MCTP1: variants seen among roughly 807,000 people sequenced by gnomAD.
MCTP1 encodes multiple C2 and transmembrane domain-containing protein 1.
In MCTP1, 69 loss-of-function variants were observed where a neutral mutation model predicts 120.6. The ratio of observed to expected loss-of-function variants is 0.57; its 90% CI spans 0.47 to 0.70. The LOEUF is 0.70. MCTP1 is among the 30% of genes least tolerant of loss of function. MCTP1 has a pLI of 0.00. For missense variants in MCTP1, 1,203 were observed against 1,248.8 expected, an observed-to-expected ratio of 0.96 and a Z score of 0.55; for synonymous variants, 529 against 493.1, an observed-to-expected ratio of 1.07 and a Z score of -0.96.
intron 1 of MCTP1, among the ~76,000 whole-genome samples, chr5:95,154,631 A>G (rs1264588110): frequency 1.3e-5 from 2 of 152,194 alleles, no homozygotes; most frequent in Non-Finnish European, 2.9e-5. Flanking sequence ...TTGTGTAATT[A>G]TGGCAAACAA....
intron 1 of MCTP1, among the ~76,000 whole-genome samples, chr5:95,177,372 T>C (rs992667827): frequency 6.6e-6 from 1 of 152,168 alleles, no homozygotes; most frequent in Non-Finnish European, 1.5e-5. Context: ...TGTCTGAAAG[T>C]CCATCTAAGA....
intron 1 of MCTP1, among the ~76,000 whole-genome samples, chr5:95,276,768 T>C (rs1182791): frequency 1.3e-5 from 2 of 150,896 alleles, no homozygotes; most frequent in East Asian, 2.0e-4. Context: ...CTGGCTAACA[T>C]GGTGAAACCC....
chr5:95,266,528 T>C (rs1758899634), intron 1 of MCTP1, among the ~76,000 whole-genome samples: 1 of 152,250 alleles, frequency 6.6e-6, no homozygotes, highest in African/African-American at 2.4e-5. Context: ...TACTTGGTCA[T>C]GACTCCAGTA....
At chr5:95,128,287 A>C (rs1758781705) in intron 1 of MCTP1, among the ~76,000 whole-genome samples, 1 of 152,260 alleles carries the variant, frequency 6.6e-6, no homozygotes, top group African/African-American at 2.4e-5. Flanking sequence ...GTATTCTTCA[A>C]TGGCTAGATA....
intron 2 of MCTP1, among the ~76,000 whole-genome samples, chr5:94,954,147 C>CAAATATATATGCATATATATACAT (rs10671946): frequency 3.1e-5 from 1 of 32,524 alleles, no homozygotes; most frequent in Non-Finnish European, 5.4e-5. Flanking sequence ...CATATATATA[C>CAAATATATATGCATATATATACAT]ATATATATAT....
chr5:95,084,782 CT>C (rs1208002274), intron 1 of MCTP1, among the ~76,000 whole-genome samples: 2 of 152,010 alleles, frequency 1.3e-5, no homozygotes, highest in Non-Finnish European at 2.9e-5. Context: ...CCTTTTGTTG[CT>C]TTTTTTGGCT....
intron 1 of MCTP1, among the ~76,000 whole-genome samples, chr5:95,261,007 T>C (rs1168609267): frequency 6.6e-6 from 1 of 152,214 alleles, no homozygotes; most frequent in African/African-American, 2.4e-5. Context: ...AAATAACACA[T>C]ATTATGCACA....
intron 19 of MCTP1, among the ~76,000 whole-genome samples, chr5:94,727,467 C>G (rs1052344869): frequency 1.3e-5 from 2 of 152,148 alleles, no homozygotes; most frequent in Admixed American, 6.5e-5. Flanking sequence ...TGACTGGAAT[C>G]AATTTCATCA....
At chr5:95,196,907 A>T (rs1750458369) in intron 1 of MCTP1, among the ~76,000 whole-genome samples, 1 of 152,214 alleles carries the variant, frequency 6.6e-6, no homozygotes, top group Admixed American at 6.5e-5. Context: ...AGGTTTTATT[A>T]AGCCAGCTTT....
chr5:94,908,069 A>T (rs565970533), intron 10 of MCTP1, among the ~76,000 whole-genome samples: 1 of 152,238 alleles, frequency 6.6e-6, no homozygotes, highest in South Asian at 2.1e-4. Context: ...CTATTGAGGG[A>T]GACAGAATCT....
chr5:95,088,903 C>T (rs181297253), intron 1 of MCTP1, among the ~76,000 whole-genome samples: 2 of 152,222 alleles, frequency 1.3e-5, no homozygotes, highest in Non-Finnish European at 2.9e-5. Flanking sequence ...CTCCAGAGTA[C>T]GCATTATCAG....
intron 1 of MCTP1, among the ~76,000 whole-genome samples, chr5:95,102,535 C>T (rs1002301588): frequency 2.6e-5 from 4 of 152,146 alleles, no homozygotes; most frequent in African/African-American, 9.7e-5. Context: ...AGTTGCACGT[C>T]GGAAGTTGGA....
intron 19 of MCTP1, among the ~76,000 whole-genome samples, chr5:94,766,065 C>T (rs1413880097): frequency 2.0e-5 from 3 of 151,904 alleles, no homozygotes; most frequent in Middle Eastern, 3.2e-3. Context: ...GCCAACATGG[C>T]GAAACCCCGT....
At chr5:95,214,267 C>T (rs1752773633) in intron 1 of MCTP1, among the ~76,000 whole-genome samples, 1 of 152,128 alleles carries the variant, frequency 6.6e-6, no homozygotes, top group Non-Finnish European at 1.5e-5. Flanking sequence ...TGAAAAAATG[C>T]TCATCATCTC....
rs1754712292 is a variant in MCTP1, at chr5:94,706,657, A to G, written c.*839T>C. The G allele has an allele frequency of 6.6e-6, 1 of 151,556 alleles. No homozygotes were observed. The highest frequency in any genetic ancestry group is 1.5e-5 in the Non-Finnish European group (1 of 67,752). The allele number at this position is 151,556 out of a possible 1,614,324, so 9.4% of individuals were successfully genotyped here. ...CAGATACAATCTGACACCAAAAGCG[A>G]TATGGATATAGTTTCCTAGTATTTT... On this transcript the variant is annotated 3_prime_UTR_variant, in exon 23 of 23. Transcript: ENST00000515393.
intron 2 of MCTP1, among the ~76,000 whole-genome samples, chr5:94,973,537 A>G (rs1827378145): frequency 6.6e-6 from 1 of 152,200 alleles, no homozygotes; most frequent in Non-Finnish European, 1.5e-5. Flanking sequence ...GTATGAAGAC[A>G]GAGACCATTT....
At chr5:94,909,422 T>C in intron 9 of MCTP1, 41 bp from the exon 10 acceptor site, 1 of 1,559,990 alleles carries the variant, frequency 6.4e-7, no homozygotes, top group Non-Finnish European at 8.6e-7. Context: ...CTAGCAGCTT[T>C]TTAAAAAAAA....
chr5:94,953,083 A>C, intron 3 of MCTP1, 136 bp downstream of exon 3: 1 of 711,270 alleles, frequency 1.4e-6, no homozygotes. Flanking sequence ...CTATCATATT[A>C]TCCATAGATT....
chr5:95,151,994 T>C (rs530905771), intron 1 of MCTP1, among the ~76,000 whole-genome samples: 4 of 152,352 alleles, frequency 2.6e-5, no homozygotes, highest in Admixed American at 6.5e-5. Flanking sequence ...TTCCAGGTTA[T>C]AGCCAAAGAT....
Sources: gnomAD v4.1 joint callset for allele counts (sites outside exome capture counted in the v4.1 genomes callset) on GRCh38, gnomAD v4.1.1 for gene constraint, MANE v1.5 for transcripts, NCBI Gene and HGNC (gene_info 2026-07-23, HGNC 2026-07-21) for gene names.